The following PPP4R3A variants were observed in gnomAD, a reference collection of about 807,000 sequenced individuals.
The protein encoded by PPP4R3A is serine/threonine-protein phosphatase 4 regulatory subunit 3A.
In PPP4R3A, 15 loss-of-function variants were observed where a neutral mutation model predicts 91.7. The observed-to-expected ratio is 0.16, with a 90% confidence interval of 0.11 to 0.25. The LOEUF (loss-of-function observed/expected upper bound fraction) is 0.25, where lower values mean the gene tolerates loss of function less well. Among genes scored for constraint, PPP4R3A ranks in the 10% least tolerant of loss-of-function variants. PPP4R3A has a pLI of 1.00. For synonymous variants in PPP4R3A, 377 were observed against 348.7 expected (o/e 1.08, Z -0.91); for missense variants, 623 against 998.4 (o/e 0.62, Z 5.07).
intron 1 of PPP4R3A, among the ~76,000 whole-genome samples, chr14:91,499,692 G>A (rs779779662): frequency 4.6e-5 from 7 of 151,762 alleles, no homozygotes; most frequent in Non-Finnish European, 8.8e-5. Context: ...ATGGTGGTGC[G>A]TGCCTGTAAA....
Position 91,510,060 on chromosome 14 carries a change from TTTCC to T in PPP4R3A, c.-417_-414del. 1 of 590,104 alleles carries T rather than the reference TTTCC, an allele frequency of 1.7e-6. No homozygotes were observed. The highest frequency in any genetic ancestry group is 2.1e-6 in the Non-Finnish European group (1 of 466,628). The allele number at this position is 590,104 out of a possible 1,614,324, so 36.6% of individuals were successfully genotyped here. A position where few individuals can be genotyped will look rare whatever the true frequency, so the allele number is the denominator to read the frequency against. ...CAGGCCGCCGCCGCCGCCGCCATAT[TTTCC>T]TTCCTTATACCTGGCCCTGCCACCG... is the stretch of plus-strand genomic sequence containing the variant. On this transcript the variant is annotated 5_prime_UTR_variant, in exon 1 of 15. Coordinates refer to ENST00000554943, the MANE Select transcript of PPP4R3A (RefSeq NM_001366432.2).
At chr14:91,460,637 C>CATTT in intron 14 of PPP4R3A, among the ~76,000 whole-genome samples, 1 of 111,282 alleles carries the variant, frequency 9.0e-6, no homozygotes, top group Admixed American at 1.1e-4. Context: ...GATTTTGTTC[C>CATTT]TTTTTTTTTT....
In PPP4R3A at chr14:91,462,843, T is replaced by G; in HGVS notation, c.1865A>C (p.Glu622Ala). 1 of 1,601,402 alleles carries G rather than the reference T, an allele frequency of 6.2e-7. No individual in the cohort carries two copies. Among genetic ancestry groups the G allele is most frequent in the Non-Finnish European group, 8.6e-7 (1 of 1,169,114 alleles). ...DIKSLTAHVI[E>A]NYWKALEDVD... The stretch of plus-strand genomic sequence containing the variant: ...ATCTTCCAGTGCTTTCCAGTAATTT[T>G]CAATTACATGAGCAGTTAATGATTT... Residue 622 changes from glutamate to alanine, a missense_variant, in exon 12 of 15, where the codon GAA (glutamate) becomes GCA (alanine). Physicochemically the swap from Glu to Ala is moderately radical, Grantham distance 107 (BLOSUM62 -1). Around this residue, in one of 5 missense-constraint regions of PPP4R3A, gnomAD observed 87 missense variants for 233.9 expected, o/e 0.37. Transcript: ENST00000554943.
intron 3 of PPP4R3A, among the ~76,000 whole-genome samples, chr14:91,482,825 AAC>A (rs1221251672): frequency 6.6e-6 from 1 of 152,218 alleles, no homozygotes; most frequent in African/African-American, 2.4e-5. Context: ...TGACAGCCCA[AAC>A]ACAGGATTTA....
At chr14:91,499,735 C>A (rs373827260) in intron 1 of PPP4R3A, among the ~76,000 whole-genome samples, 274 of 150,318 alleles carry the variant, frequency 1.8e-3, no homozygotes, top group African/African-American at 6.4e-3. Context: ...GCAGGAGAAT[C>A]GCTTGAACCC....
At chr14:91,476,158 A>T (rs1032485309) in intron 6 of PPP4R3A, among the ~76,000 whole-genome samples, 192 bp from the exon 7 acceptor site, 1 of 152,210 alleles carries the variant, frequency 6.6e-6, no homozygotes, top group African/African-American at 2.4e-5. Flanking sequence ...TTGTTTGCCT[A>T]TTTTAACATT....
At chr14:91,459,464 T>C (rs1434603717) in intron 14 of PPP4R3A, among the ~76,000 whole-genome samples, 1 of 151,980 alleles carries the variant, frequency 6.6e-6, no homozygotes, top group Non-Finnish European at 1.5e-5. Flanking sequence ...AGTTAGAAAA[T>C]GAATGAAAAA....
intron 4 of PPP4R3A, among the ~76,000 whole-genome samples, chr14:91,479,295 TGTG>T: frequency 1.1e-5 from 1 of 91,706 alleles, no homozygotes; most frequent in Non-Finnish European, 2.1e-5. Flanking sequence ...AAAAACAACG[TGTG>T]TGTGTGTGTG....
intron 1 of PPP4R3A, among the ~76,000 whole-genome samples, chr14:91,507,451 G>GT (rs1566660484): frequency 1.0e-4 from 11 of 109,158 alleles, no homozygotes; most frequent in East Asian, 5.0e-4. Context: ...ATACTATATA[G>GT]TATATATACT....
chr14:91,459,179 A>G (rs1378357062), intron 14 of PPP4R3A, among the ~76,000 whole-genome samples: 2 of 152,004 alleles, frequency 1.3e-5, no homozygotes, highest in Admixed American at 1.3e-4. Flanking sequence ...ATCTCGGCTC[A>G]CTGCAACCTC....
rs199528531 is a variant in PPP4R3A, at chr14:91,461,641, C to T, written c.2165-34G>A. The stretch of plus-strand genomic sequence containing the variant: ...GAGAATACTGTCAATAGTCGTCCCC[C>T]ATACTTCTTTTTTAAATTTCCCCAA... On this transcript the variant is annotated intron_variant, in intron 13 of 14. Coordinates refer to ENST00000554943, the MANE Select transcript of PPP4R3A (RefSeq NM_001366432.2). 6.9e-6 allele frequency: 11 copies of T among 1,584,870 alleles called. No homozygotes were observed. The East Asian group carries it at 1.8e-4, about 26-fold the overall frequency.
At chr14:91,474,035 C>T (rs1191108570) in intron 7 of PPP4R3A, among the ~76,000 whole-genome samples, 1 of 152,198 alleles carries the variant, frequency 6.6e-6, no homozygotes, top group Non-Finnish European at 1.5e-5. Context: ...TCCCAAAGTG[C>T]TGGGATTACA....
chr14:91,471,163 T>C (rs1359825893), intron 9 of PPP4R3A, among the ~76,000 whole-genome samples, 168 bp from the exon 10 acceptor site: 1 of 152,176 alleles, frequency 6.6e-6, no homozygotes, highest in Non-Finnish European at 1.5e-5. Flanking sequence ...GTGCCAGGAA[T>C]GGTGCTTTAC....
chr14:91,500,942 C>T (rs1047876533), intron 1 of PPP4R3A, among the ~76,000 whole-genome samples: 8 of 151,994 alleles, frequency 5.3e-5, no homozygotes, highest in African/African-American at 1.5e-4. Context: ...TGAGGCAGGA[C>T]GACTGCTTGA....
intron 7 of PPP4R3A, 154 bp downstream of exon 7, chr14:91,475,657 C>G: frequency 3.2e-6 from 2 of 634,834 alleles, no homozygotes; most frequent in Non-Finnish European, 2.6e-6. Flanking sequence ...AATTGATAAA[C>G]TGAGACAGGA....
intron 10 of PPP4R3A, among the ~76,000 whole-genome samples, chr14:91,467,796 T>TA (rs1288112439): frequency 6.6e-6 from 1 of 152,142 alleles, no homozygotes; most frequent in East Asian, 1.9e-4. Context: ...GCAGCAAATA[T>TA]AAAAAAATTA....
At chr14:91,475,178 G>GA (rs886291042) in intron 7 of PPP4R3A, 1 of 151,822 alleles carries the variant, frequency 6.6e-6, no homozygotes. Context: ...GGGGAAGCAG[G>GA]AAAAAATCAG....
Position 91,472,976 on chromosome 14 carries a change from A to G in PPP4R3A, c.1501+57T>C, listed in dbSNP as rs1318497424. 7 of 1,529,828 alleles carry G rather than the reference A, an allele frequency of 4.6e-6. No homozygotes were observed. The African/African-American group carries it at 6.9e-5, about 15-fold the overall frequency. The allele number at this position is 1,529,828 out of a possible 1,614,324, so 94.8% of individuals were successfully genotyped here. A position where few individuals can be genotyped will look rare whatever the true frequency, so the allele number is the denominator to read the frequency against. ...TCCTAAAAAGACTGACTTAACACCA[A>G]CTTTGAATTCAGCATTCAAGAACAG... On this transcript the variant is annotated intron_variant, in intron 9 of 14. Transcript: ENST00000554943.
chr14:91,500,997 G>T (rs558690599), intron 1 of PPP4R3A, among the ~76,000 whole-genome samples: 1 of 151,986 alleles, frequency 6.6e-6, no homozygotes, highest in Admixed American at 6.6e-5. Flanking sequence ...ACACCACTGC[G>T]CTCCAGCCTG....
Sources: allele counts gnomAD v4.1 joint callset (sites outside exome capture counted in the v4.1 genomes callset), GRCh38; gene constraint gnomAD v4.1.1; regional missense constraint gnomAD v4.1.1; transcripts MANE v1.5; gene names NCBI Gene and HGNC (gene_info 2026-07-23, HGNC 2026-07-21).